Variants in ACTL6A observed in about 807,000 individuals in gnomAD.
ACTL6A encodes actin like 6A.
ACTL6A carries 5 observed loss-of-function variants against 59.2 expected under a neutral mutation model. The observed-to-expected ratio is 0.08, with a 90% CI of 0.04 to 0.18. The LOEUF is 0.18. ACTL6A is among the 10% of genes least tolerant of loss of function. The probability of loss-of-function intolerance (pLI) is 1.00; values close to 1 mark genes in which losing one functional copy is unlikely to be tolerated. For synonymous variants in ACTL6A, 154 were observed against 171.8 expected (o/e 0.90, Z 0.81); for missense variants, 285 against 526.9 (o/e 0.54, Z 4.49).
At position 179,588,149 on chromosome 3, in the gene ACTL6A, G is replaced by T; in HGVS notation, c.*139G>T. 1.8e-6 allele frequency: 1 copy of T among 545,764 alleles called. No individual in the cohort carries two copies. The highest frequency in any genetic ancestry group is 3.1e-6 in the Non-Finnish European group (1 of 326,846). The allele number at this position is 545,764 out of a possible 1,614,324, so 33.8% of individuals were successfully genotyped here. A position where few individuals can be genotyped will look rare whatever the true frequency, so the allele number is the denominator to read the frequency against. On this transcript the variant is annotated 3_prime_UTR_variant, in exon 14 of 14. Transcript: ENST00000429709. Reference sequence around the variant, plus strand: ...TCAATTTCCACTTAAATTTTTTAAAGCTTTAACTGGCTCTATAAATTAAGT... The same window carrying T: ...TCAATTTCCACTTAAATTTTTTAAATCTTTAACTGGCTCTATAAATTAAGT...
In ACTL6A at chr3:179,576,707, C is replaced by T. The variant is rs200004281; in HGVS notation, c.659C>T (p.Pro220Leu). ...GAAATGAATATTGAATTGGTTCCTC[C>T]ATATATGATTGCATCAAAAGTAAGT... is the stretch of plus-strand genomic sequence containing the variant. ...FQEMNIELVP[P>L]YMIASKEAVR... Residue 220 changes from proline (P) to leucine (L), a missense_variant, in exon 7 of 14, where the codon CCA becomes CTA. Transcript: ENST00000429709. The T allele has an allele frequency of 2.5e-6, 4 of 1,613,104 alleles. No individual in the cohort carries two copies. Among genetic ancestry groups the T allele is most frequent in the Middle Eastern group, 1.6e-4 (1 of 6,082 alleles).
intron 11 of ACTL6A, among the ~76,000 whole-genome samples, chr3:179,582,041 A>G (rs1718355120): frequency 6.6e-6 from 1 of 152,148 alleles, no homozygotes; most frequent in South Asian, 2.1e-4. Context: ...AATAACTACT[A>G]TGTTATTCAA....
At chr3:179,571,586 G>C (rs1043923401) in intron 3 of ACTL6A, among the ~76,000 whole-genome samples, 4 of 152,182 alleles carry the variant, frequency 2.6e-5, no homozygotes, top group Non-Finnish European at 4.4e-5. Flanking sequence ...AATCGACAAA[G>C]GGAAAAGGGA....
intron 9 of ACTL6A, 63 bp downstream of exon 9, chr3:179,580,764 TA>T: frequency 4.3e-6 from 6 of 1,401,916 alleles, no homozygotes; most frequent in Non-Finnish European, 5.9e-6. Context: ...AAAAAATACT[TA>T]ATTGAATAAT....
At position 179,570,730 on chromosome 3, in the gene ACTL6A, G is replaced by C. The variant is rs917466045; in HGVS notation, c.277+489G>C. Reference sequence around the variant, plus strand: ...TGTAATACAATTAAGTATGGTTGCAGCATTGGGCTTATTAGGGTCAGTAGC... The same window carrying C: ...TGTAATACAATTAAGTATGGTTGCACCATTGGGCTTATTAGGGTCAGTAGC... On this transcript the variant is annotated intron_variant, in intron 3 of 13. Coordinates refer to ENST00000429709, the MANE Select transcript of ACTL6A (RefSeq NM_004301.5). The surrounding 1 kb of genome is among the most constrained non-coding windows in gnomAD (Gnocchi z 4.3). Among the ~76,000 whole-genome samples, 6 of 152,204 alleles carry C rather than the reference G, an allele frequency of 3.9e-5. No homozygotes were observed. Among genetic ancestry groups the C allele is most frequent in the African/African-American group, 1.4e-4 (6 of 41,468 alleles).
intron 1 of ACTL6A, 33 bp from the exon 2 acceptor site, chr3:179,569,791 G>A (rs1480844858): frequency 1.3e-6 from 2 of 1,588,380 alleles, no homozygotes; most frequent in Non-Finnish European, 1.7e-6. Context: ...ACTTTTGCAA[G>A]CTGTTAATGC....
intron 8 of ACTL6A, among the ~76,000 whole-genome samples, chr3:179,577,523 A>C (rs1050499455): frequency 1.9e-4 from 29 of 152,102 alleles, no homozygotes; most frequent in African/African-American, 6.8e-4. Context: ...TCAGGGGTAC[A>C]TGTGCAGGTT....
At chr3:179,586,503 G>T in intron 12 of ACTL6A, 43 bp from the exon 13 acceptor site, 70 of 1,114,992 alleles carry the variant, frequency 6.3e-5, no homozygotes, top group Middle Eastern at 2.1e-4. Flanking sequence ...TCTAAGTTGA[G>T]TCACAAGATT....
chr3:179,578,576 AC>A, intron 8 of ACTL6A, among the ~76,000 whole-genome samples: 1 of 152,234 alleles, frequency 6.6e-6, no homozygotes, highest in South Asian at 2.1e-4. Flanking sequence ...CTGTGATTGT[AC>A]CAGTGCCTTC....
Position 179,570,190 on chromosome 3 carries a change from C to T in ACTL6A, c.226C>T (p.Arg76Cys), listed in dbSNP as rs752912106. The T allele has an allele frequency of 1.3e-5, 21 of 1,613,698 alleles. No homozygotes were observed. In the East Asian group the frequency reaches 1.6e-4, roughly 12 times the overall value. Residue 76 changes from arginine (R) to cysteine (C), a missense_variant, in exon 3 of 14, where the codon CGT becomes TGT. Physicochemically the swap from Arg to Cys is radical, Grantham distance 180. Coordinates refer to ENST00000429709, the MANE Select transcript of ACTL6A (RefSeq NM_004301.5). This position sits in a 1 kb window ranked among gnomAD's most constrained non-coding sequence, Gnocchi z 4.3. ...PTYYIDTNALRVPRENMEAIS... is the reference protein window; with the variant it reads ...PTYYIDTNALCVPRENMEAIS... ...CTACTACATAGATACTAATGCTCTG[C>T]GTGTTCCGAGGGAGAATATGGAGGC...
At chr3:179,573,130 G>A (rs1364884740) in intron 3 of ACTL6A, 1 of 335,240 alleles carries the variant, frequency 3.0e-6, no homozygotes, top group Admixed American at 4.8e-5. Context: ...TTTTAGGTCT[G>A]TTAGATTAAT....
chr3:179,564,165 ATCGAAACACTGATACATATAATTCATG>A (rs1717761644), intron 1 of ACTL6A, among the ~76,000 whole-genome samples: 1 of 152,204 alleles, frequency 6.6e-6, no homozygotes, highest in African/African-American at 2.4e-5. Flanking sequence ...CTGCAGGTTA[ATCGAAACACTGATACATATAATTCATG>A]TGTTGGGTTG....
chr3:179,579,809 G>T (rs902108932), intron 8 of ACTL6A, among the ~76,000 whole-genome samples: 1 of 152,078 alleles, frequency 6.6e-6, no homozygotes. Flanking sequence ...TAAAGACAGG[G>T]TCTCTCTCTG....
intron 1 of ACTL6A, among the ~76,000 whole-genome samples, chr3:179,564,961 A>G (rs1717787313): frequency 6.6e-6 from 1 of 151,426 alleles, no homozygotes; most frequent in Non-Finnish European, 1.5e-5. Context: ...CAGCCTCCCA[A>G]AGTGCTAGGA....
intron 13 of ACTL6A, 53 bp downstream of exon 13, chr3:179,586,685 T>C: frequency 1.5e-6 from 2 of 1,370,208 alleles, no homozygotes; most frequent in Non-Finnish European, 2.0e-6. Context: ...ATACTAAATT[T>C]AGTAAAAATA....
At chr3:179,581,292 G>A in intron 11 of ACTL6A, 72 bp downstream of exon 11, 5 of 1,213,846 alleles carry the variant, frequency 4.1e-6, no homozygotes, top group South Asian at 3.6e-5. Context: ...ATCATTGTTA[G>A]GTTGACAGTG....
Position 179,562,998 on chromosome 3 carries a change from A to T in ACTL6A, c.-95A>T. 6.6e-7 allele frequency: 1 copy of T among 1,513,386 alleles called. No homozygotes were observed. Among genetic ancestry groups the T allele is most frequent in the Middle Eastern group, 1.7e-4 (1 of 5,932 alleles). 93.7% of individuals were successfully genotyped at this position (1,513,386 alleles called of 1,614,324 possible). On this transcript the variant is annotated 5_prime_UTR_variant, in exon 1 of 14. Transcript: ENST00000429709. The stretch of plus-strand genomic sequence containing the variant: ...GGTGGGTGGCGGTGGAAGTTAAGGG[A>T]GTCAGGGGCTATCGCTCCTCGAGAC...
chr3:179,587,876 C>A (rs1718557879), intron 13 of ACTL6A, 54 bp from the exon 14 acceptor site: 1 of 1,506,640 alleles, frequency 6.6e-7, no homozygotes, highest in Non-Finnish European at 8.9e-7. Flanking sequence ...ATTTTTTAAG[C>A]CATTTCTAGT....
At chr3:179,586,502 A>T in intron 12 of ACTL6A, 44 bp from the exon 13 acceptor site, 49 of 1,058,554 alleles carry the variant, frequency 4.6e-5, no homozygotes, top group Non-Finnish European at 6.1e-5. Context: ...TTCTAAGTTG[A>T]GTCACAAGAT....
Sources: allele counts gnomAD v4.1 joint callset (sites outside exome capture counted in the v4.1 genomes callset), GRCh38; gene constraint gnomAD v4.1.1; non-coding constraint Gnocchi (gnomAD v3.1); transcripts MANE v1.5; gene names NCBI Gene and HGNC (gene_info 2026-07-23, HGNC 2026-07-21).